Variants in ENOX1 observed in about 807,000 individuals in gnomAD.
ENOX1 encodes ecto-NOX disulfide-thiol exchanger 1.
ENOX1 carries 42 observed loss-of-function variants against 82.5 expected under a neutral mutation model. The ratio of observed to expected loss-of-function variants is 0.51; its 90% confidence interval spans 0.40 to 0.66. The LOEUF (loss-of-function observed/expected upper bound fraction) is 0.66. Among genes scored for constraint, ENOX1 ranks in the 30% least tolerant of loss-of-function variants. ENOX1 has a pLI of 0.00. For synonymous variants in ENOX1, 271 were observed against 282.2 expected, an observed-to-expected ratio of 0.96 and a Z score of 0.40; for missense variants, 608 against 811.6, an observed-to-expected ratio of 0.75 and a Z score of 3.05.
intron 1 of ENOX1, among the ~76,000 whole-genome samples, chr13:43,743,658 T>A (rs1273077992): frequency 6.6e-6 from 1 of 152,194 alleles, no homozygotes; most frequent in African/African-American, 2.4e-5. Context: ...TAAAGCAGGA[T>A]AAGTACTGCA....
At chr13:43,604,479 G>A (rs555053664) in intron 2 of ENOX1, among the ~76,000 whole-genome samples, 7 of 152,264 alleles carry the variant, frequency 4.6e-5, no homozygotes, top group South Asian at 4.1e-4. Context: ...GACTTTTATT[G>A]TATTGAGGTA....
At chr13:43,459,569 T>C (rs968960786) in intron 3 of ENOX1, 2 of 152,220 alleles carry the variant, frequency 1.3e-5, no homozygotes, top group African/African-American at 2.4e-5. Flanking sequence ...TAAACGTCAC[T>C]GGGACTAAAA....
At chr13:43,416,235 ATGATGGGTGG>A (rs2054526519) in intron 3 of ENOX1, among the ~76,000 whole-genome samples, 1 of 137,366 alleles carries the variant, frequency 7.3e-6, no homozygotes, top group African/African-American at 2.8e-5. Flanking sequence ...CACTTCCCAG[ATGATGGGTGG>A]CCGGGCAGAG....
intron 1 of ENOX1, among the ~76,000 whole-genome samples, chr13:43,765,229 G>A (rs1446047916): frequency 6.6e-6 from 1 of 152,138 alleles, no homozygotes; most frequent in African/African-American, 2.4e-5. Flanking sequence ...CTAGTCTAAA[G>A]GAAAAACATC....
intron 8 of ENOX1, 59 bp from the exon 9 acceptor site, chr13:43,344,809 C>T: frequency 6.5e-7 from 1 of 1,537,406 alleles, no homozygotes; most frequent in African/African-American, 1.4e-5. Context: ...ACACTTTATT[C>T]TTGTTCCTCT....
At chr13:43,678,618 C>T (rs2085631436) in intron 1 of ENOX1, among the ~76,000 whole-genome samples, 1 of 152,174 alleles carries the variant, frequency 6.6e-6, no homozygotes, top group Non-Finnish European at 1.5e-5. Context: ...TCCAATCTAG[C>T]TGTTTGTCAG....
chr13:43,372,267 T>C (rs1276721453), intron 5 of ENOX1, among the ~76,000 whole-genome samples: 4 of 152,242 alleles, frequency 2.6e-5, no homozygotes, highest in Non-Finnish European at 5.9e-5. Flanking sequence ...ATTATGGTGA[T>C]GATGACTTAC....
At chr13:43,271,270 T>A (rs1417317155) in intron 12 of ENOX1, among the ~76,000 whole-genome samples, 3 of 152,218 alleles carry the variant, frequency 2.0e-5, no homozygotes, top group Non-Finnish European at 2.9e-5. Context: ...CGTGTATCTG[T>A]ATCATCAGAC....
At position 43,614,830 on chromosome 13, in the gene ENOX1, C is replaced by T. The variant is rs575199905; in HGVS notation, c.-219+52649G>A. On this transcript the variant is annotated intron_variant, in intron 2 of 16. Transcript: ENST00000690772. ...GGATGTGGACTCTGGAGCCTTGCTA[C>T]ATACAAAATGTGGTCTGAGGACCAG... Among the ~76,000 whole-genome samples the T allele has an allele frequency of 9.9e-5, 15 of 152,268 alleles. 1 individual carries two copies. In the East Asian group the frequency reaches 2.9e-3, roughly 29 times the overall value.
chr13:43,658,736 C>A (rs1200725086), intron 2 of ENOX1, among the ~76,000 whole-genome samples: 1 of 152,046 alleles, frequency 6.6e-6, no homozygotes, highest in African/African-American at 2.4e-5. Flanking sequence ...TAGTCCAGTG[C>A]ACAGCTGTTG....
intron 5 of ENOX1, among the ~76,000 whole-genome samples, chr13:43,402,417 C>G (rs905087246): frequency 4.6e-5 from 7 of 151,948 alleles, no homozygotes; most frequent in Non-Finnish European, 8.8e-5. Flanking sequence ...TATAAATGAA[C>G]CAAATTACAT....
chr13:43,751,185 A>G (rs767232181), intron 1 of ENOX1, among the ~76,000 whole-genome samples: 9 of 152,152 alleles, frequency 5.9e-5, no homozygotes, highest in Non-Finnish European at 1.5e-5. Context: ...TTGTCTTTGT[A>G]GCATTTCAAC....
At chr13:43,670,632 T>A (rs1010833393) in intron 1 of ENOX1, among the ~76,000 whole-genome samples, 6 of 152,056 alleles carry the variant, frequency 3.9e-5, no homozygotes, top group African/African-American at 1.4e-4. Context: ...GGCAGGTGGA[T>A]CACTTGAGGT....
intron 5 of ENOX1, among the ~76,000 whole-genome samples, chr13:43,389,299 AAC>A (rs1275859780): frequency 6.6e-6 from 1 of 152,214 alleles, no homozygotes. Context: ...AAAAACTGGA[AAC>A]AGCTCAAAGA....
At chr13:43,263,565 CTG>C (rs1214797059) in intron 14 of ENOX1, among the ~76,000 whole-genome samples, 1 of 152,226 alleles carries the variant, frequency 6.6e-6, no homozygotes, top group Non-Finnish European at 1.5e-5. Flanking sequence ...GGGCTAGATA[CTG>C]TGTTAGGCCT....
At chr13:43,725,254 C>T (rs1312775760) in intron 1 of ENOX1, among the ~76,000 whole-genome samples, 1 of 152,158 alleles carries the variant, frequency 6.6e-6, no homozygotes, top group Non-Finnish European at 1.5e-5. Flanking sequence ...TCCCTTCCCA[C>T]TGGTTGAGCA....
chr13:43,513,620 A>G (rs575435451), intron 2 of ENOX1, among the ~76,000 whole-genome samples: 3 of 152,276 alleles, frequency 2.0e-5, no homozygotes, highest in South Asian at 2.1e-4. Flanking sequence ...AAGCAACTAT[A>G]TATCTATTCC....
At chr13:43,658,009 T>G (rs1403183858) in intron 2 of ENOX1, among the ~76,000 whole-genome samples, 1 of 152,202 alleles carries the variant, frequency 6.6e-6, no homozygotes, top group Non-Finnish European at 1.5e-5. Context: ...AATGGCTTGT[T>G]TTTTTAAAAA....
At chr13:43,328,053 A>G (rs1392431941) in intron 9 of ENOX1, among the ~76,000 whole-genome samples, 1 of 151,998 alleles carries the variant, frequency 6.6e-6, no homozygotes, top group East Asian at 1.9e-4. Flanking sequence ...TTTGCCTTCA[A>G]TTTGTCTCAT....
Sources: gnomAD v4.1 joint callset for allele counts (sites outside exome capture counted in the v4.1 genomes callset) on GRCh38, gnomAD v4.1.1 for gene constraint, MANE v1.5 for transcripts, NCBI Gene and HGNC (gene_info 2026-07-23, HGNC 2026-07-21) for gene names.